TMEM168: variants seen among roughly 807,000 people sequenced by gnomAD.
TMEM168 encodes the protein transmembrane protein 168.
In TMEM168, 40 loss-of-function variants were observed where a neutral mutation model predicts 53.2. The ratio of observed to expected loss-of-function variants is 0.75; its 90% CI spans 0.58 to 0.98. The LOEUF is 0.98. Among genes scored for constraint, TMEM168 ranks in the 50% least tolerant of loss-of-function variants. The probability of loss-of-function intolerance (pLI) is 0.00; values close to 1 mark genes in which losing one functional copy is unlikely to be tolerated. For missense variants in TMEM168, 771 were observed against 828.8 expected (o/e 0.93, Z 0.86); for synonymous variants, 282 against 293.0 (o/e 0.96, Z 0.38).
chr7:112,783,632 T>C (rs1410267827), intron 2 of TMEM168, 66 bp downstream of exon 2: 1 of 1,358,822 alleles, frequency 7.4e-7, no homozygotes, highest in Admixed American at 2.8e-5. Flanking sequence ...ATAACTTTAA[T>C]TTCAATTATT....
At chr7:112,770,630 G>C (rs1008366650) in intron 4 of TMEM168, among the ~76,000 whole-genome samples, 1 of 152,006 alleles carries the variant, frequency 6.6e-6, no homozygotes, top group South Asian at 2.1e-4. Context: ...GTTTATCTTA[G>C]TGTTTTTACT....
At chr7:112,776,543 A>C (rs1183426768) in intron 2 of TMEM168, among the ~76,000 whole-genome samples, 1 of 152,084 alleles carries the variant, frequency 6.6e-6, no homozygotes, top group African/African-American at 2.4e-5. Flanking sequence ...CAATAGAAAA[A>C]TGAATATACT....
intron 3 of TMEM168, among the ~76,000 whole-genome samples, chr7:112,774,061 T>C (rs964688387): frequency 6.6e-6 from 1 of 152,224 alleles, no homozygotes; most frequent in African/African-American, 2.4e-5. Context: ...TGGAGATTTT[T>C]ATGTCAAATA....
Position 112,767,083 on chromosome 7 carries a change from G to A in TMEM168, c.*114C>T. 9.5e-7 allele frequency: 1 copy of A among 1,055,208 alleles called. No individual in the cohort carries two copies. Among genetic ancestry groups the A allele is most frequent in the Non-Finnish European group, 1.3e-6 (1 of 743,128 alleles). 65.4% of individuals were successfully genotyped at this position (1,055,208 alleles called of 1,614,324 possible). On this transcript the variant is annotated 3_prime_UTR_variant, in exon 5 of 5. Coordinates refer to ENST00000312814, the MANE Select transcript of TMEM168 (RefSeq NM_022484.6). The stretch of plus-strand genomic sequence containing the variant: ...CTTAAGAAAAGACAAAGTGAGAGCA[G>A]CTACAGAAGTAGCAAGGTATTTTCC...
chr7:112,776,279 T>C (rs1793081069), intron 2 of TMEM168, among the ~76,000 whole-genome samples: 1 of 151,576 alleles, frequency 6.6e-6, no homozygotes, highest in East Asian at 1.9e-4. Context: ...AAAAGCAGAA[T>C]GGAAAGTAGA....
chr7:112,776,952 G>C (rs1356845017), intron 2 of TMEM168, among the ~76,000 whole-genome samples: 1 of 151,958 alleles, frequency 6.6e-6, no homozygotes, highest in Non-Finnish European at 1.5e-5. Context: ...ATCAAGTTCT[G>C]ATTATTAATG....
rs1792722548 is a variant in TMEM168, at chr7:112,764,413, G to T, written c.*2784C>A. On this transcript the variant is annotated 3_prime_UTR_variant, in exon 5 of 5. Coordinates refer to ENST00000312814, the MANE Select transcript of TMEM168 (RefSeq NM_022484.6). ...CATAGACAAATTAGTCTCATTGTCA[G>T]ATCTATTTTTCAATCTTTAGGTGAA... 6.6e-6 allele frequency: 1 copy of T among 151,744 alleles called. No homozygotes were observed. The highest frequency in any genetic ancestry group is 6.6e-5 in the Admixed American group (1 of 15,242). The allele number at this position is 151,744 out of a possible 1,614,324, so 9.4% of individuals were successfully genotyped here.
Position 112,784,640 on chromosome 7 carries a change from G to A in TMEM168, c.186C>T (p.Ser62=), listed in dbSNP as rs1378091461. 5 of 1,612,018 alleles carry A rather than the reference G, an allele frequency of 3.1e-6. No homozygotes were observed. The highest frequency in any genetic ancestry group is 4.2e-6 in the Non-Finnish European group (5 of 1,179,452). The change falls in exon 2 of 5, where the codon TCC becomes TCT. Residue 62 remains serine, a synonymous_variant. Coordinates refer to ENST00000312814, the MANE Select transcript of TMEM168 (RefSeq NM_022484.6). ...CAAGAATAAAAATTACCAAAATTAA[G>A]GAATTTGCTGTTTTTTCCCATCTTA... ...LYVRWEKTAN[S]LILVIFILGL... is the part of the protein sequence containing the mutation.
chr7:112,772,111 G>T (rs571001422), intron 4 of TMEM168, among the ~76,000 whole-genome samples: 1 of 152,072 alleles, frequency 6.6e-6, no homozygotes, highest in East Asian at 1.9e-4. Context: ...TTCTCTCTTG[G>T]CAATAACTAA....
At position 112,765,519 on chromosome 7, in the gene TMEM168, T is replaced by G. The variant is rs778751334; in HGVS notation, c.*1678A>C. On this transcript the variant is annotated 3_prime_UTR_variant, in exon 5 of 5. Transcript: ENST00000312814. ...CATTAACTTTTTTTAAGCTAAAAGC[T>G]CATAATTTTAACATTTGGCTTTTCT... is the stretch of plus-strand genomic sequence containing the variant. The G allele has an allele frequency of 6.6e-6, 1 of 152,144 alleles. No homozygotes were observed. Among genetic ancestry groups the G allele is most frequent in the Admixed American group, 6.5e-5 (1 of 15,282 alleles). The allele number at this position is 152,144 out of a possible 1,614,324, so 9.4% of individuals were successfully genotyped here. A position where few individuals can be genotyped will look rare whatever the true frequency, so the allele number is the denominator to read the frequency against.
Position 112,764,472 on chromosome 7 carries a change from T to G in TMEM168, c.*2725A>C, listed in dbSNP as rs1792723983. ...ATCACTTTATTCTTCTTGTAATATT[T>G]CTTTTCTACACCCTTATTATTTTTT... On this transcript the variant is annotated 3_prime_UTR_variant, in exon 5 of 5. Coordinates refer to ENST00000312814, the MANE Select transcript of TMEM168 (RefSeq NM_022484.6). 6.6e-6 allele frequency: 1 copy of G among 151,874 alleles called. No individual in the cohort carries two copies. Among genetic ancestry groups the G allele is most frequent in the South Asian group, 2.1e-4 (1 of 4,830 alleles). The allele number at this position is 151,874 out of a possible 1,614,324, so 9.4% of individuals were successfully genotyped here.
Position 112,766,372 on chromosome 7 carries a change from G to A in TMEM168, c.*825C>T, listed in dbSNP as rs1002326177. 1 of 152,552 alleles carries A rather than the reference G, an allele frequency of 6.6e-6. No homozygotes were observed. The highest frequency in any genetic ancestry group is 1.5e-5 in the Non-Finnish European group (1 of 68,018). 9.4% of individuals were successfully genotyped at this position (152,552 alleles called of 1,614,324 possible). The stretch of plus-strand genomic sequence containing the variant: ...CTTAAAATAGACTGAGTCAGTCAAC[G>A]AGAAATTGCTAAATTTCTTCTATGA... On this transcript the variant is annotated 3_prime_UTR_variant, in exon 5 of 5. Coordinates refer to ENST00000312814, the MANE Select transcript of TMEM168 (RefSeq NM_022484.6).
At chr7:112,771,950 A>G (rs1045347376) in intron 4 of TMEM168, among the ~76,000 whole-genome samples, 1 of 152,120 alleles carries the variant, frequency 6.6e-6, no homozygotes, top group Non-Finnish European at 1.5e-5. Flanking sequence ...GATTTCATCT[A>G]TCTATCAGCT....
chr7:112,787,713 A>ATTTTTTTTTTTTTTT lies in TMEM168; in HGVS notation c.-129+2432_-129+2446dup, dbSNP rs71155069. On this transcript the variant is annotated intron_variant, in intron 1 of 4. Transcript: ENST00000312814. ...ACAGGCGTGAGCCACTGCGACTGGC[A>ATTTTTTTTTTTTTTT]TTTTTTTTTTTTTTTTTTTTTTTTT... Among the ~76,000 whole-genome samples, 14 of 38,786 alleles carry ATTTTTTTTTTTTTTT rather than the reference A, an allele frequency of 3.6e-4. 2 individuals are homozygous for ATTTTTTTTTTTTTTT. The highest frequency in any genetic ancestry group is 4.4e-4 in the Non-Finnish European group (10 of 22,606). 25.4% of individuals were successfully genotyped at this position (38,786 alleles called of 152,430 possible). A position where few individuals can be genotyped will look rare whatever the true frequency, so the allele number is the denominator to read the frequency against.
chr7:112,769,225 T>A (rs1416174841), intron 4 of TMEM168, among the ~76,000 whole-genome samples: 1 of 152,172 alleles, frequency 6.6e-6, no homozygotes, highest in Non-Finnish European at 1.5e-5. Flanking sequence ...AACCTGAAAA[T>A]AAACTTTTTT....
At position 112,763,137 on chromosome 7, in the gene TMEM168, A is replaced by G. The variant is rs1166498923; in HGVS notation, c.*4060T>C. 1 of 152,076 alleles carries G rather than the reference A, an allele frequency of 6.6e-6. No homozygotes were observed. Among genetic ancestry groups the G allele is most frequent in the Non-Finnish European group, 1.5e-5 (1 of 67,950 alleles). 9.4% of individuals were successfully genotyped at this position (152,076 alleles called of 1,614,324 possible). A position where few individuals can be genotyped will look rare whatever the true frequency, so the allele number is the denominator to read the frequency against. On this transcript the variant is annotated 3_prime_UTR_variant, in exon 5 of 5. Coordinates refer to ENST00000312814, the MANE Select transcript of TMEM168 (RefSeq NM_022484.6). ...GATGGAAATGGACTCAACTCACAAA[A>G]AGCCATTTTTTGGCAACATCAGCTA... is the stretch of plus-strand genomic sequence containing the variant.
At chr7:112,783,610 G>C in intron 2 of TMEM168, 88 bp downstream of exon 2, 1 of 1,258,496 alleles carries the variant, frequency 7.9e-7, no homozygotes, top group Non-Finnish European at 1.0e-6. Context: ...TTGAAATCAG[G>C]AACTTGACCT....
chr7:112,780,615 T>G (rs1793200487), intron 2 of TMEM168, among the ~76,000 whole-genome samples: 1 of 152,088 alleles, frequency 6.6e-6, no homozygotes, highest in Non-Finnish European at 1.5e-5. Context: ...CCCAGCACTT[T>G]GGAAGGCCAA....
chr7:112,767,244 G>C lies in TMEM168; in HGVS notation c.2047C>G (p.Pro683Ala), dbSNP rs1261229130. The C allele has an allele frequency of 6.2e-7, 1 of 1,614,100 alleles. No homozygotes were observed. The highest frequency in any genetic ancestry group is 1.7e-5 in the Admixed American group (1 of 60,020). ...CCTTGTCCTGTGTCCAGCACAGTAG[G>C]AAGAAACCAACTCATTTTTAATCTT... is the stretch of plus-strand genomic sequence containing the variant. ...LKRLKMSWFLPTVLDTGQGFK... is the reference protein window; with the variant it reads ...LKRLKMSWFLATVLDTGQGFK... Residue 683 changes from proline to alanine, a missense_variant, in exon 5 of 5, where the codon CCT becomes GCT. Transcript: ENST00000312814.
Sources: allele counts gnomAD v4.1 joint callset (sites outside exome capture counted in the v4.1 genomes callset), GRCh38; gene constraint gnomAD v4.1.1; transcripts MANE v1.5; gene names NCBI Gene and HGNC (gene_info 2026-07-23, HGNC 2026-07-21).